RAD51D: variants seen among roughly 807,000 people sequenced by gnomAD.
RAD51D encodes DNA repair protein RAD51 homolog 4.
Under a neutral mutation model 44.1 loss-of-function variants are expected in RAD51D, and 38 were observed. The observed-to-expected ratio is 0.86, with a 90% CI of 0.67 to 1.13. The LOEUF is 1.13. RAD51D is among the 50% of genes most tolerant of loss of function. The probability of loss-of-function intolerance (pLI) is 0.00; values close to 1 mark genes in which losing one functional copy is unlikely to be tolerated. For missense variants in RAD51D, 390 were observed against 414.0 expected (o/e 0.94, Z 0.50); for synonymous variants, 141 against 166.6 (o/e 0.85, Z 1.18).
rs370679685 is a variant in RAD51D at position 35,106,453 on chromosome 17, A to G, written c.509T>C (p.Val170Ala). Residue 170 changes from valine (V) to alanine (A), a missense_variant, in exon 6 of 10, where the codon GTG becomes GCG. Coordinates refer to ENST00000345365, the MANE Select transcript of RAD51D (RefSeq NM_002878.4). ...CATCTGGAAGATGTCAAATGCATGC[A>G]CCACCTGGATCCTCCGGAGAGCTTC... ...QAEALRRIQVVHAFDIFQMLD... is the reference protein window; with the variant it reads ...QAEALRRIQVAHAFDIFQMLD... 5.0e-6 allele frequency: 8 copies of G among 1,613,108 alleles called. No individual in the cohort carries two copies. The African/African-American group carries it at 9.3e-5, about 19-fold the overall frequency.
intron 6 of RAD51D, among the ~76,000 whole-genome samples, chr17:35,105,226 A>G (rs758194068): frequency 1.3e-5 from 2 of 152,078 alleles, no homozygotes; most frequent in African/African-American, 2.4e-5. Context: ...GGTAAGCACT[A>G]CTCAGCTTCA....
intron 3 of RAD51D, among the ~76,000 whole-genome samples, chr17:35,111,555 G>T (rs1164083332): frequency 6.6e-6 from 1 of 151,718 alleles, no homozygotes; most frequent in Non-Finnish European, 1.5e-5. Context: ...GACAGAGCAA[G>T]ACTCTGTCTC....
intron 3 of RAD51D, among the ~76,000 whole-genome samples, chr17:35,109,171 G>A (rs1010465329): frequency 2.6e-5 from 4 of 152,044 alleles, no homozygotes; most frequent in Admixed American, 1.3e-4. Flanking sequence ...CTGGCCCTGC[G>A]ATTGGCTTTT....
chr17:35,105,831 G>A (rs1241036655), intron 6 of RAD51D, among the ~76,000 whole-genome samples: 1 of 151,902 alleles, frequency 6.6e-6, no homozygotes. Flanking sequence ...GTCTATTAGT[G>A]GGCTCTGGAG....
rs773906955 is a variant in RAD51D at position 35,107,026 on chromosome 17, G to A, written c.442C>T (p.Gln148Ter). 2 of 1,614,158 alleles carry A rather than the reference G, an allele frequency of 1.2e-6. No homozygotes were observed. The change falls in exon 5 of 10, where the codon CAG (glutamine) becomes TAG (stop). Residue 148 changes from glutamine to a stop codon, truncating the protein, a stop_gained. Transcript: ENST00000345365. LOFTEE classifies it high-confidence loss of function. Reference sequence around the variant, plus strand: ...TCCTGGGTTTTAGCCTGAAGCAGCTGGAGGAGGCGGGAAGCTGTCAGCCCT... The same window carrying A: ...TCCTGGGTTTTAGCCTGAAGCAGCTAGAGGAGGCGGGAAGCTGTCAGCCCT... ...NGGLTASRLL[Q>*]LLQAKTQDEE...
In RAD51D at chr17:35,099,878, G is replaced by A. The variant is rs185060714; in HGVS notation, c.*1075C>T. On this transcript the variant is annotated 3_prime_UTR_variant, in exon 10 of 10. Coordinates refer to ENST00000345365, the MANE Select transcript of RAD51D (RefSeq NM_002878.4). ...CATGGCTCTCAGACGGATGGCCACA[G>A]TGCTGGTGAAAGACAGAGGGATTAT... 1.9e-6 allele frequency: 1 copy of A among 515,478 alleles called. No homozygotes were observed. Among genetic ancestry groups the A allele is most frequent in the East Asian group, 4.2e-5 (1 of 23,686 alleles). The allele number at this position is 515,478 out of a possible 1,614,324, so 31.9% of individuals were successfully genotyped here. A position where few individuals can be genotyped will look rare whatever the true frequency, so the allele number is the denominator to read the frequency against.
intron 6 of RAD51D, chr17:35,104,726 A>C (rs1567727125): frequency 6.6e-6 from 1 of 152,236 alleles, no homozygotes; most frequent in Non-Finnish European, 1.5e-5. Flanking sequence ...TTACACAAGC[A>C]GGAGAATCCT....
rs376648639 is a variant in RAD51D at position 35,103,737 on chromosome 17, A to G, written c.577-193T>C. 5.9e-5 allele frequency among the ~76,000 whole-genome samples: 9 copies of G among 152,370 alleles called. No individual in the cohort carries two copies. The highest frequency in any genetic ancestry group is 3.9e-4 in the East Asian group (2 of 5,192). ...CCATTGGCATGTGTAACAGACTTCA[A>G]TGAAGACTTGGGTAGAAAGAAAGGG... is the stretch of plus-strand genomic sequence containing the variant. On this transcript the variant is annotated intron_variant, in intron 6 of 9. Transcript: ENST00000345365. This position sits in a 1 kb window ranked among gnomAD's most constrained non-coding sequence, Gnocchi z 4.1.
chr17:35,116,870 G>C lies in RAD51D; in HGVS notation c.263+1631C>G, dbSNP rs553120392. On this transcript the variant is annotated intron_variant, in intron 3 of 9. Transcript: ENST00000345365. ...ATGAAATAATGTACCGTGAAGTGCTGACCGCAGTGCCTCGTTCATCGAAAG... is the reference window on the plus strand; with the variant it reads ...ATGAAATAATGTACCGTGAAGTGCTCACCGCAGTGCCTCGTTCATCGAAAG... 38 of 1,550,734 alleles carry C rather than the reference G, an allele frequency of 2.5e-5. No homozygotes were observed. The African/African-American group carries it at 4.6e-4, about 19-fold the overall frequency.
chr17:35,119,345 G>GA (rs906956593), intron 1 of RAD51D, 173 bp from the exon 2 acceptor site: 1 of 893,514 alleles, frequency 1.1e-6, no homozygotes, highest in African/African-American at 1.7e-5. Flanking sequence ...CACACAGTAG[G>GA]AATCTCTACC....
chr17:35,112,131 G>A (rs1378737567), intron 3 of RAD51D, among the ~76,000 whole-genome samples: 2 of 152,216 alleles, frequency 1.3e-5, no homozygotes, highest in Admixed American at 6.5e-5. Flanking sequence ...AGGCTGGAGT[G>A]CAGTGGCGCA....
Position 35,106,864 on chromosome 17 carries a change from G to T in RAD51D, c.480+124C>A, listed in dbSNP as rs1186653270. The stretch of plus-strand genomic sequence containing the variant: ...AGGGGTGGCTTAAGGAATACGAGAT[G>T]TATTAATAGAACAGCAAGTTTGAAG... On this transcript the variant is annotated intron_variant, in intron 5 of 9. Transcript: ENST00000345365. 1.9e-5 allele frequency: 27 copies of T among 1,412,428 alleles called. No homozygotes were observed. In the Admixed American group the frequency reaches 2.2e-4, roughly 12 times the overall value. 87.5% of individuals were successfully genotyped at this position (1,412,428 alleles called of 1,614,324 possible).
chr17:35,101,325 AGCCTCCC>A lies in RAD51D; in HGVS notation c.772_778del (p.Gly258SerfsTer50), dbSNP rs1064795045. On this transcript the variant is annotated frameshift_variant, in exon 9 of 10. Coordinates refer to ENST00000345365, the MANE Select transcript of RAD51D (RefSeq NM_002878.4). LOFTEE classifies it high-confidence loss of function. Reference sequence around the variant, plus strand: ...CCAGGAGCGTCCGAGGGCAGGTTTGAGCCTCCCGCTGTCCCTGTCTCGAGTTATGTGG... The same window carrying A: ...CCAGGAGCGTCCGAGGGCAGGTTTGAGCTGTCCCTGTCTCGAGTTATGTGG... The A allele has an allele frequency of 1.2e-6, 2 of 1,614,124 alleles. No homozygotes were observed. The highest frequency in any genetic ancestry group is 1.7e-6 in the Non-Finnish European group (2 of 1,180,024).
At position 35,119,708 on chromosome 17, in the gene RAD51D, A is replaced by G. The variant is rs2091802170; in HGVS notation, c.-95T>C. On this transcript the variant is annotated 5_prime_UTR_variant, in exon 1 of 10. Coordinates refer to ENST00000345365, the MANE Select transcript of RAD51D (RefSeq NM_002878.4). ...AGACGCCCCTCCCCTACCCCTTCCT[A>G]GAGAGGACACAGGCGCGCTGGCTGC... The G allele has an allele frequency of 7.7e-7, 1 of 1,292,388 alleles. No individual in the cohort carries two copies. Among genetic ancestry groups the G allele is most frequent in the Non-Finnish European group, 1.1e-6 (1 of 904,460 alleles). The allele number at this position is 1,292,388 out of a possible 1,614,324, so 80.1% of individuals were successfully genotyped here. A position where few individuals can be genotyped will look rare whatever the true frequency, so the allele number is the denominator to read the frequency against.
intron 8 of RAD51D, among the ~76,000 whole-genome samples, chr17:35,101,912 T>C (rs1048863532): frequency 6.6e-6 from 1 of 152,158 alleles, no homozygotes; most frequent in Non-Finnish European, 1.5e-5. Context: ...GAAAATGAGT[T>C]ATTTTTAATG....
At position 35,099,831 on chromosome 17, in the gene RAD51D, T is replaced by G; in HGVS notation, c.*1122A>C. ...CTTTTATTTTCCATTCCCTGGTGTC[T>G]TCGTCCCCTCCCAGCCAGGGTCATG... On this transcript the variant is annotated 3_prime_UTR_variant, in exon 10 of 10. Transcript: ENST00000345365. The G allele has an allele frequency of 2.0e-6, 1 of 501,752 alleles. No homozygotes were observed. Among genetic ancestry groups the G allele is most frequent in the African/African-American group, 1.9e-5 (1 of 52,212 alleles). The allele number at this position is 501,752 out of a possible 1,614,324, so 31.1% of individuals were successfully genotyped here. A position where few individuals can be genotyped will look rare whatever the true frequency, so the allele number is the denominator to read the frequency against.
chr17:35,112,451 C>T (rs1025744224), intron 3 of RAD51D, among the ~76,000 whole-genome samples: 1 of 152,080 alleles, frequency 6.6e-6, no homozygotes, highest in Admixed American at 6.6e-5. Context: ...AATATCCGCT[C>T]ACTGTAACCT....
At chr17:35,119,407 G>A in intron 1 of RAD51D, 125 bp downstream of exon 1, 4 of 1,172,070 alleles carry the variant, frequency 3.4e-6, no homozygotes, top group South Asian at 2.4e-5. Flanking sequence ...CTCTCCAGAA[G>A]CGCGGCCCTC....
chr17:35,107,130 T>A lies in RAD51D; in HGVS notation c.346-8A>T, dbSNP rs756059587. 6.2e-7 allele frequency: 1 copy of A among 1,613,422 alleles called. No individual in the cohort carries two copies. Among genetic ancestry groups the A allele is most frequent in the African/African-American group, 1.3e-5 (1 of 74,760 alleles). ...TGCCATACAGAGACATACCTGGGGG[T>A]GGGGGCATTGGATGAACTTGACACT... On this transcript the variant is annotated splice_region_variant and splice_polypyrimidine_tract_variant and intron_variant, in intron 4 of 9. Coordinates refer to ENST00000345365, the MANE Select transcript of RAD51D (RefSeq NM_002878.4).
Sources: allele counts gnomAD v4.1 joint callset (sites outside exome capture counted in the v4.1 genomes callset), GRCh38; gene constraint gnomAD v4.1.1; non-coding constraint Gnocchi (gnomAD v3.1); transcripts MANE v1.5; gene names NCBI Gene and HGNC (gene_info 2026-07-23, HGNC 2026-07-21).